The following SGCG variants were observed in gnomAD, a reference collection of about 807,000 sequenced individuals.
The protein encoded by SGCG is gamma-sarcoglycan.
SGCG carries 26 observed loss-of-function variants against 29.3 expected under a neutral mutation model. That is an observed-to-expected ratio of 0.89 (90% CI 0.65 to 1.23). The LOEUF is 1.23. SGCG is among the 50% of genes most tolerant of loss of function. SGCG has a pLI of 0.00. For synonymous variants in SGCG, 145 were observed against 129.7 expected (o/e 1.12, Z -0.80); for missense variants, 353 against 356.0 (o/e 0.99, Z 0.07).
the SGCG span, among the ~76,000 whole-genome samples, chr13:23,173,039 T>A: frequency 6.6e-6 from 1 of 152,188 alleles, no homozygotes; most frequent in Non-Finnish European, 1.5e-5. Flanking sequence ...TCTGAACCAA[T>A]TGAAAAACAG....
chr13:23,262,750 A>G (rs1411174104), intron 4 of SGCG, among the ~76,000 whole-genome samples: 2 of 152,052 alleles, frequency 1.3e-5, no homozygotes, highest in Non-Finnish European at 2.9e-5. Flanking sequence ...AGATCATATG[A>G]TAGGCCACAA....
intron 1 of SGCG, among the ~76,000 whole-genome samples, chr13:23,195,886 T>G (rs1475862459): frequency 6.6e-6 from 1 of 152,016 alleles, no homozygotes; most frequent in African/African-American, 2.4e-5. Context: ...TATGGTAAAT[T>G]TATTAAATTT....
intron 6 of SGCG, among the ~76,000 whole-genome samples, chr13:23,303,107 T>A (rs1044800394): frequency 3.3e-5 from 5 of 152,268 alleles, no homozygotes; most frequent in Non-Finnish European, 5.9e-5. Flanking sequence ...ACCAATTTTT[T>A]AATTTTCCCT....
At chr13:23,187,225 T>TA (rs1877014413) in intron 1 of SGCG, among the ~76,000 whole-genome samples, 10 of 152,204 alleles carry the variant, frequency 6.6e-5, no homozygotes, top group Non-Finnish European at 1.5e-4. Flanking sequence ...ACTCTCGCTA[T>TA]GGTGCCCCTT....
chr13:23,295,626 T>G, intron 6 of SGCG, 139 bp downstream of exon 6: 1 of 723,442 alleles, frequency 1.4e-6, no homozygotes, highest in Non-Finnish European at 2.5e-6. Context: ...TTTCCGCTTA[T>G]AACTAGATAG....
Position 23,318,084 on chromosome 13 carries a change from T to C in SGCG, c.579-2553T>C, listed in dbSNP as rs112656034. The stretch of plus-strand genomic sequence containing the variant: ...ACATTGGACTCCAAGTTCTTCAGTT[T>C]TGAGACTCGGACTGGCTCTCTTTGC... On this transcript the variant is annotated intron_variant, in intron 6 of 7. Coordinates refer to ENST00000218867, the MANE Select transcript of SGCG (RefSeq NM_000231.3). Among the ~76,000 whole-genome samples, 754 of 152,338 alleles carry C rather than the reference T, an allele frequency of 4.9e-3. 9 individuals are homozygous for C. Among genetic ancestry groups the C allele is most frequent in the African/African-American group, 0.017 (699 of 41,580 alleles).
chr13:23,187,238 AC>A (rs1877016581), intron 1 of SGCG, among the ~76,000 whole-genome samples: 1 of 152,106 alleles, frequency 6.6e-6, no homozygotes, highest in Non-Finnish European at 1.5e-5. Flanking sequence ...TGCCCCTTCT[AC>A]AGTGGACGGC....
At chr13:23,179,494 T>C (rs1876662028), upstream of SGCG, among the ~76,000 whole-genome samples, 1 of 152,204 alleles carries the variant, frequency 6.6e-6, no homozygotes. Flanking sequence ...TCAATCAGAA[T>C]ATTGAGTTAG....
chr13:23,207,590 T>C (rs970514855), intron 2 of SGCG, among the ~76,000 whole-genome samples: 1 of 152,148 alleles, frequency 6.6e-6, no homozygotes, highest in Admixed American at 6.5e-5. Flanking sequence ...ATTTCCAAAA[T>C]ATATAAGGAA....
chr13:23,289,977 C>T (rs544537345), intron 5 of SGCG, among the ~76,000 whole-genome samples: 41 of 152,236 alleles, frequency 2.7e-4, no homozygotes, highest in African/African-American at 9.1e-4. Flanking sequence ...GCGAAGGTGA[C>T]CTGGATTGGG....
intron 4 of SGCG, 151 bp downstream of exon 4, chr13:23,250,868 C>A: frequency 1.4e-6 from 1 of 701,144 alleles, no homozygotes; most frequent in East Asian, 2.7e-5. Flanking sequence ...CACAGACTAG[C>A]ACCACAGAGT....
intron 1 of SGCG, among the ~76,000 whole-genome samples, chr13:23,198,402 T>G (rs1877599265): frequency 6.6e-6 from 1 of 152,210 alleles, no homozygotes; most frequent in African/African-American, 2.4e-5. Flanking sequence ...AAGGTCATTT[T>G]GTTTTAAATA....
chr13:23,277,308 A>G (rs1881114877), intron 4 of SGCG, among the ~76,000 whole-genome samples: 2 of 152,308 alleles, frequency 1.3e-5, no homozygotes, highest in Admixed American at 1.3e-4. Context: ...GTGTTTATAT[A>G]ATAAATACAT....
At chr13:23,227,770 A>T (rs1043160345) in intron 2 of SGCG, among the ~76,000 whole-genome samples, 2 of 152,188 alleles carry the variant, frequency 1.3e-5, no homozygotes, top group African/African-American at 4.8e-5. Flanking sequence ...GGGCATGGTG[A>T]ACAAGAAAGG....
intron 2 of SGCG, among the ~76,000 whole-genome samples, chr13:23,224,380 C>A (rs959370307): frequency 6.6e-6 from 1 of 152,042 alleles, no homozygotes; most frequent in African/African-American, 2.4e-5. Context: ...TTTCTCCTGC[C>A]GAAGTATGAA....
chr13:23,278,421 C>T (rs1047850120), intron 4 of SGCG, among the ~76,000 whole-genome samples: 2 of 143,266 alleles, frequency 1.4e-5, no homozygotes, highest in East Asian at 2.1e-4. Context: ...CCAGCCTGGG[C>T]GACATGAGCG....
chr13:23,174,487 A>G, the SGCG span, among the ~76,000 whole-genome samples: 18,594 of 152,234 alleles, frequency 0.12, 1,194 homozygotes, highest in East Asian at 0.16. Context: ...GAAGGCAAGT[A>G]CATTTCAAGG....
chr13:23,210,646 A>T (rs1211968645), intron 2 of SGCG, among the ~76,000 whole-genome samples: 1 of 152,162 alleles, frequency 6.6e-6, no homozygotes, highest in Non-Finnish European at 1.5e-5. Context: ...AGCCGAGATC[A>T]TGCCATTGCA....
intron 4 of SGCG, among the ~76,000 whole-genome samples, chr13:23,277,620 A>C (rs1593214810): frequency 3.3e-5 from 5 of 152,022 alleles, no homozygotes; most frequent in Admixed American, 3.3e-4. Flanking sequence ...GTATCCAAAA[A>C]TTTTTATGAG....
Sources: gnomAD v4.1 joint callset for allele counts (sites outside exome capture counted in the v4.1 genomes callset) on GRCh38, gnomAD v4.1.1 for gene constraint, MANE v1.5 for transcripts, NCBI Gene and HGNC (gene_info 2026-07-23, HGNC 2026-07-21) for gene names.